Variants in CALD1 observed in about 807,000 individuals in gnomAD.
CALD1 encodes the protein caldesmon.
A neutral mutation model predicts 99.9 loss-of-function variants in CALD1; 33 were observed. The observed-to-expected ratio is 0.33, with a 90% CI of 0.25 to 0.44. The LOEUF is 0.44. CALD1 is among the 20% of genes least tolerant of loss of function. The pLI is 1.00. For missense variants in CALD1, 861 were observed against 962.1 expected, an observed-to-expected ratio of 0.89 and a Z score of 1.39; for synonymous variants, 310 against 325.0, an observed-to-expected ratio of 0.95 and a Z score of 0.50.
chr7:134,805,625 T>A (rs1359815048), intron 1 of CALD1, among the ~76,000 whole-genome samples: 1 of 152,174 alleles, frequency 6.6e-6, no homozygotes, highest in Admixed American at 6.5e-5. Context: ...CTTGGCTGTC[T>A]GTCCATATAT....
At chr7:134,773,781 T>C (rs1333738853) in intron 1 of CALD1, among the ~76,000 whole-genome samples, 1 of 131,996 alleles carries the variant, frequency 7.6e-6, no homozygotes, top group Non-Finnish European at 1.6e-5. Flanking sequence ...CAACCTCTCT[T>C]CTGTGTGTGT....
At chr7:134,858,181 G>A (rs1229193982) in intron 2 of CALD1, among the ~76,000 whole-genome samples, 1 of 152,024 alleles carries the variant, frequency 6.6e-6, no homozygotes, top group Non-Finnish European at 1.5e-5. Context: ...TTTACAACTG[G>A]GAAAGGCCCA....
chr7:134,758,883 C>T (rs1027867179), intron 1 of CALD1, among the ~76,000 whole-genome samples: 2 of 152,158 alleles, frequency 1.3e-5, no homozygotes, highest in Non-Finnish European at 2.9e-5. Flanking sequence ...GCACCCACAT[C>T]TGTACCCTTC....
intron 1 of CALD1, chr7:134,745,607 G>A (rs542078781): frequency 1.3e-5 from 2 of 152,258 alleles, no homozygotes; most frequent in African/African-American, 4.8e-5. Flanking sequence ...TGCTAGAGAG[G>A]TGAATTTAAC....
chr7:134,904,666 T>A (rs1196530091), intron 3 of CALD1, among the ~76,000 whole-genome samples: 1 of 152,070 alleles, frequency 6.6e-6, no homozygotes, highest in Non-Finnish European at 1.5e-5. Flanking sequence ...AAAAAACCTG[T>A]ATAAAACCAT....
At chr7:134,728,845 CTTTT>C in the CALD1 span, among the ~76,000 whole-genome samples, 2,504 of 124,298 alleles carry the variant, frequency 0.02, 25 homozygotes, top group African/African-American at 0.027. Flanking sequence ...TATACCTTTT[CTTTT>C]TTTTTTTTTT....
chr7:134,745,388 C>G (rs1011459071), intron 1 of CALD1: 2 of 152,134 alleles, frequency 1.3e-5, no homozygotes, highest in African/African-American at 4.8e-5. Context: ...GGAAAAATAT[C>G]TGGGTGGGAG....
rs764853117 is a variant in CALD1, at chr7:134,968,319, CA to C, written c.2377-19del. On this transcript the variant is annotated intron_variant, in intron 14 of 14. Transcript: ENST00000361675. ...GTTTCACACTACAGGCTGTCAATTT[CA>C]AGTTCTCTTCTCTTGGCAGGTTTGA... 1.9e-6 allele frequency: 3 copies of C among 1,613,148 alleles called. No individual in the cohort carries two copies. The Admixed American group carries it at 5.0e-5, about 27-fold the overall frequency.
intron 2 of CALD1, among the ~76,000 whole-genome samples, chr7:134,865,888 G>A (rs893303809): frequency 3.9e-5 from 6 of 152,254 alleles, no homozygotes; most frequent in South Asian, 2.1e-4. Context: ...CAGAGGCTTA[G>A]AGGATGCTCT....
chr7:134,787,876 A>T (rs3800710), intron 1 of CALD1, among the ~76,000 whole-genome samples: 30,250 of 152,084 alleles, frequency 0.2, 3,186 homozygotes, highest in Non-Finnish European at 0.23. Flanking sequence ...ATTTGTACCC[A>T]TGCTCTTCGG....
chr7:134,925,442 C>T (rs1804931161), intron 3 of CALD1, among the ~76,000 whole-genome samples: 1 of 152,132 alleles, frequency 6.6e-6, no homozygotes, highest in Middle Eastern at 3.4e-3. Context: ...TGTATAAGTT[C>T]GTTCTTGCAC....
intron 11 of CALD1, 117 bp downstream of exon 11, chr7:134,958,407 ATT>A (rs5887717): frequency 0.11 from 55,413 of 514,804 alleles, 1 homozygote; most frequent in East Asian, 0.12. Flanking sequence ...GAGTGTTAGA[ATT>A]TTTTTTTTTT....
chr7:134,808,259 C>A lies in CALD1; in HGVS notation c.-130+28510C>A, dbSNP rs373017992. On this transcript the variant is annotated intron_variant, in intron 1 of 14. Coordinates refer to ENST00000361675, the MANE Select transcript of CALD1 (RefSeq NM_033138.4). ...GGGGCCTTGGGCATGTGCTATCATG[C>A]TGGGCTAATTTTTTTTTTAATTACT... Among the ~76,000 whole-genome samples the A allele has an allele frequency of 2.0e-3, 233 of 115,696 alleles. 1 individual carries two copies. The highest frequency in any genetic ancestry group is 6.4e-3 in the African/African-American group (198 of 30,958). 75.9% of individuals were successfully genotyped at this position (115,696 alleles called of 152,430 possible).
At chr7:134,892,327 G>GCAGAC (rs1365465237) in intron 3 of CALD1, among the ~76,000 whole-genome samples, 18 of 152,190 alleles carry the variant, frequency 1.2e-4, no homozygotes, top group Admixed American at 1.2e-3. Flanking sequence ...TTACCCCAAA[G>GCAGAC]CAGACAACAG....
At chr7:134,744,073 C>T (rs536756319), upstream of CALD1, among the ~76,000 whole-genome samples, 7 of 152,234 alleles carry the variant, frequency 4.6e-5, no homozygotes, top group East Asian at 1.2e-3. Flanking sequence ...CAGCCATGGT[C>T]GAGGGGAAGA....
chr7:134,911,025 A>G (rs933267542), intron 3 of CALD1, among the ~76,000 whole-genome samples: 1 of 152,116 alleles, frequency 6.6e-6, no homozygotes, highest in Non-Finnish European at 1.5e-5. Context: ...TATTGGCAGG[A>G]AGGAATTGAA....
chr7:134,761,199 G>A (rs1368648059), intron 1 of CALD1, among the ~76,000 whole-genome samples: 2 of 152,152 alleles, frequency 1.3e-5, no homozygotes, highest in South Asian at 2.1e-4. Context: ...GGCTCTGCGT[G>A]AAGTTTTATT....
chr7:134,932,067 T>C (rs1805562101), intron 4 of CALD1, among the ~76,000 whole-genome samples: 1 of 152,216 alleles, frequency 6.6e-6, no homozygotes. Flanking sequence ...CAGACAGAGA[T>C]AGAGAAGACA....
At chr7:134,896,732 C>G (rs138540742) in intron 3 of CALD1, among the ~76,000 whole-genome samples, 4 of 152,346 alleles carry the variant, frequency 2.6e-5, no homozygotes, top group African/African-American at 9.6e-5. Flanking sequence ...CCTGCCTATG[C>G]TGCTTCTCAC....
Sources: gnomAD v4.1 joint callset for allele counts (sites outside exome capture counted in the v4.1 genomes callset) on GRCh38, gnomAD v4.1.1 for gene constraint, MANE v1.5 for transcripts, NCBI Gene and HGNC (gene_info 2026-07-23, HGNC 2026-07-21) for gene names.